MGAT4C: variants seen among roughly 807,000 people sequenced by gnomAD.
The protein encoded by MGAT4C is MGAT4 family member C.
Under a neutral mutation model 40.1 loss-of-function variants are expected in MGAT4C, and 19 were observed. The observed-to-expected ratio is 0.47, with a 90% CI of 0.33 to 0.70. The LOEUF (loss-of-function observed/expected upper bound fraction) is 0.70, where lower values mean the gene tolerates loss of function less well. Ranked by LOEUF, MGAT4C falls within the 30% of genes least tolerant of loss-of-function variation. The pLI is 0.02. For synonymous variants in MGAT4C, 181 were observed against 187.1 expected (o/e 0.97, Z 0.27); for missense variants, 491 against 563.2 (o/e 0.87, Z 1.30).
intron 2 of MGAT4C, among the ~76,000 whole-genome samples, chr12:86,018,240 C>T (rs1346942926): frequency 1.3e-5 from 2 of 152,088 alleles, no homozygotes; most frequent in East Asian, 1.9e-4. Flanking sequence ...AAAGTGGCAA[C>T]GTTAATCTAC....
At chr12:86,387,546 A>C (rs757397212) in intron 3 of MGAT4C, among the ~76,000 whole-genome samples, 1 of 152,160 alleles carries the variant, frequency 6.6e-6, no homozygotes, top group Non-Finnish European at 1.5e-5. Context: ...CATAAGCTAA[A>C]CATGAAGAAC....
In MGAT4C at chr12:85,978,851, A is replaced by T. The variant is rs1185738172; in HGVS notation, c.*438T>A. The T allele has an allele frequency of 1.3e-5, 2 of 152,440 alleles. No individual in the cohort carries two copies. The highest frequency in any genetic ancestry group is 2.9e-5 in the Non-Finnish European group (2 of 68,298). The allele number at this position is 152,440 out of a possible 1,614,324, so 9.4% of individuals were successfully genotyped here. On this transcript the variant is annotated 3_prime_UTR_variant, in exon 5 of 5. Transcript: ENST00000611864. ...TAAGTTTACAGAAAAAATAAACCAG[A>T]TTATCATTCCACCCAACTGTATATT...
chr12:86,755,286 C>T (rs1434668517), intron 1 of MGAT4C, among the ~76,000 whole-genome samples: 1 of 152,076 alleles, frequency 6.6e-6, no homozygotes, highest in African/African-American at 2.4e-5. Flanking sequence ...GAGTTGTTAG[C>T]CCCACAACCA....
chr12:86,750,810 G>T (rs1458638911), intron 1 of MGAT4C, among the ~76,000 whole-genome samples: 2 of 151,942 alleles, frequency 1.3e-5, no homozygotes, highest in Middle Eastern at 3.2e-3. Context: ...GTCAACAATT[G>T]TTGAAGGCTA....
intron 2 of MGAT4C, among the ~76,000 whole-genome samples, chr12:86,452,967 G>A (rs1259606662): frequency 6.6e-6 from 1 of 152,062 alleles, no homozygotes; most frequent in African/African-American, 2.4e-5. Flanking sequence ...ATCCTTAATT[G>A]CATTGAAATC....
chr12:86,463,584 G>C (rs1476768912), intron 2 of MGAT4C, among the ~76,000 whole-genome samples: 1 of 151,998 alleles, frequency 6.6e-6, no homozygotes, highest in African/African-American at 2.4e-5. Context: ...CACTTTTTCA[G>C]GGTATATCTT....
In MGAT4C at chr12:85,973,580, A is replaced by G. The variant is rs1883741640; in HGVS notation, c.*5709T>C. ...GAAAAATATTGAATATTTTATTATTATGTCTTTGGCTCACCTACTTTAAGG... is the reference window on the plus strand; with the variant it reads ...GAAAAATATTGAATATTTTATTATTGTGTCTTTGGCTCACCTACTTTAAGG... On this transcript the variant is annotated 3_prime_UTR_variant, in exon 5 of 5. Coordinates refer to ENST00000611864, the MANE Select transcript of MGAT4C (RefSeq NM_001351288.2). The G allele has an allele frequency of 6.6e-6, 1 of 150,842 alleles. No individual in the cohort carries two copies. The highest frequency in any genetic ancestry group is 2.1e-4 in the South Asian group (1 of 4,828). 9.3% of individuals were successfully genotyped at this position (150,842 alleles called of 1,614,324 possible). A position where few individuals can be genotyped will look rare whatever the true frequency, so the allele number is the denominator to read the frequency against.
intron 3 of MGAT4C, among the ~76,000 whole-genome samples, chr12:86,344,124 TC>T (rs1263647625): frequency 6.6e-6 from 1 of 152,182 alleles, no homozygotes; most frequent in Non-Finnish European, 1.5e-5. Context: ...AGAAAGATAG[TC>T]TGATATTTGA....
chr12:86,609,752 T>A (rs1392536211), intron 2 of MGAT4C, among the ~76,000 whole-genome samples: 1 of 150,858 alleles, frequency 6.6e-6, no homozygotes, highest in Non-Finnish European at 1.5e-5. Flanking sequence ...TTGAGAAATA[T>A]GTACAGTTTT....
At chr12:86,428,081 T>C (rs1190200004) in intron 3 of MGAT4C, among the ~76,000 whole-genome samples, 2 of 152,044 alleles carry the variant, frequency 1.3e-5, no homozygotes, top group African/African-American at 2.4e-5. Context: ...CCCGCTAATA[T>C]AGTATAAAAT....
intron 1 of MGAT4C, among the ~76,000 whole-genome samples, chr12:86,823,490 G>A (rs1952742617): frequency 6.6e-6 from 1 of 150,930 alleles, no homozygotes; most frequent in African/African-American, 2.4e-5. Context: ...CGTCTACAGG[G>A]CATAAACACA....
At position 85,971,060 on chromosome 12, in the gene MGAT4C, A is replaced by G. The variant is rs576500151; in HGVS notation, c.*8229T>C. 2 of 151,344 alleles carry G rather than the reference A, an allele frequency of 1.3e-5. No individual in the cohort carries two copies. Among genetic ancestry groups the G allele is most frequent in the Admixed American group, 6.6e-5 (1 of 15,160 alleles). 9.4% of individuals were successfully genotyped at this position (151,344 alleles called of 1,614,324 possible). A position where few individuals can be genotyped will look rare whatever the true frequency, so the allele number is the denominator to read the frequency against. ...ATTTCATTGCAACAATGGTTATTCAATTTACTGATGAAAATCAGAAGAATG... is the reference window on the plus strand; with the variant it reads ...ATTTCATTGCAACAATGGTTATTCAGTTTACTGATGAAAATCAGAAGAATG... On this transcript the variant is annotated 3_prime_UTR_variant, in exon 5 of 5. Coordinates refer to ENST00000611864, the MANE Select transcript of MGAT4C (RefSeq NM_001351288.2).
intron 2 of MGAT4C, among the ~76,000 whole-genome samples, chr12:86,518,027 G>C (rs1386430873): frequency 2.0e-5 from 3 of 152,060 alleles, no homozygotes; most frequent in Non-Finnish European, 4.4e-5. Context: ...AACTTTCCCC[G>C]TGTTAAAGAA....
At chr12:86,437,096 C>CA (rs926318856) in intron 2 of MGAT4C, among the ~76,000 whole-genome samples, 6 of 151,140 alleles carry the variant, frequency 4.0e-5, no homozygotes, top group African/African-American at 1.5e-4. Context: ...CAGTAATAGA[C>CA]AAAAAAATCC....
At chr12:86,523,765 G>A (rs1191276093) in intron 2 of MGAT4C, among the ~76,000 whole-genome samples, 7 of 152,120 alleles carry the variant, frequency 4.6e-5, no homozygotes, top group Admixed American at 4.6e-4. Context: ...GAACATAGGT[G>A]CTACTGTGTT....
At chr12:86,836,972 A>C (rs1415641376) in intron 1 of MGAT4C, among the ~76,000 whole-genome samples, 1 of 152,118 alleles carries the variant, frequency 6.6e-6, no homozygotes, top group African/African-American at 2.4e-5. Flanking sequence ...GAAAAGAGAG[A>C]GAGAGGATGT....
upstream of MGAT4C, among the ~76,000 whole-genome samples, chr12:86,261,101 A>C (rs1303590907): frequency 6.6e-6 from 1 of 152,142 alleles, no homozygotes; most frequent in Admixed American, 6.5e-5. Context: ...GAGAAGCAGC[A>C]TCTTAAAACA....
At chr12:86,552,326 T>C (rs754883373) in intron 2 of MGAT4C, among the ~76,000 whole-genome samples, 16 of 152,042 alleles carry the variant, frequency 1.1e-4, no homozygotes, top group Non-Finnish European at 2.2e-4. Context: ...AAAAAGGTGA[T>C]TTCCTAGAAG....
rs568019907 is a variant in MGAT4C at position 86,724,111 on chromosome 12, G to T, written c.-229+3098C>A. ...ACCTGTATAAAAAAACATTTTCATA[G>T]ATTTTACCATATATATAATGTATAT... is the stretch of plus-strand genomic sequence containing the variant. On this transcript the variant is annotated intron_variant, in intron 2 of 7. Transcript: ENST00000548651. 2.0e-4 allele frequency among the ~76,000 whole-genome samples: 30 copies of T among 152,110 alleles called. No homozygotes were observed. The South Asian group carries it at 6.0e-3, about 30-fold the overall frequency.
Sources: allele counts gnomAD v4.1 joint callset (sites outside exome capture counted in the v4.1 genomes callset), GRCh38; gene constraint gnomAD v4.1.1; transcripts MANE v1.5; gene names NCBI Gene and HGNC (gene_info 2026-07-23, HGNC 2026-07-21).